The following APBB1IP variants were observed in gnomAD, a reference collection of about 807,000 sequenced individuals.
The protein encoded by APBB1IP is amyloid beta precursor protein binding family B member 1 interacting protein.
A neutral mutation model predicts 64.9 loss-of-function variants in APBB1IP; 27 were observed. The ratio of observed to expected loss-of-function variants is 0.42; its 90% CI spans 0.31 to 0.57. The LOEUF (loss-of-function observed/expected upper bound fraction) is 0.57. Among genes scored for constraint, APBB1IP ranks in the 20% least tolerant of loss-of-function variants. APBB1IP has a pLI of 0.20. For synonymous variants in APBB1IP, 392 were observed against 331.0 expected (o/e 1.18, Z -2.00); for missense variants, 812 against 845.5 (o/e 0.96, Z 0.49).
intron 2 of APBB1IP, among the ~76,000 whole-genome samples, chr10:26,445,111 AAAAGAAAGAAAGAAAGAAAAG>A (rs1453983387): frequency 2.0e-4 from 22 of 108,878 alleles, no homozygotes; most frequent in Non-Finnish European, 3.4e-4. Flanking sequence ...AAAAAAGAGG[AAAAGAAAGAAAGAAAGAAAAG>A]AAAGAAAGAA....
At chr10:26,461,679 A>G (rs542152704) in intron 2 of APBB1IP, among the ~76,000 whole-genome samples, 1 of 152,200 alleles carries the variant, frequency 6.6e-6, no homozygotes, top group Non-Finnish European at 1.5e-5. Flanking sequence ...CCATTTTAAT[A>G]TGGTAAAGAT....
intron 3 of APBB1IP, among the ~76,000 whole-genome samples, chr10:26,493,958 T>G (rs765627803): frequency 6.6e-5 from 10 of 152,026 alleles, no homozygotes; most frequent in Non-Finnish European, 1.3e-4. Context: ...GGCCTCAGCC[T>G]CCCAAGTAGC....
In APBB1IP at chr10:26,500,853, T is replaced by C. The variant is rs923802086; in HGVS notation, c.195T>C (p.Asp65=). ...SLNALEDQDL[D]ALMADLVADI... is the part of the protein sequence containing the mutation. ...ATGCACTGGAAGACCAAGATTTAGA[T>C]GCTCTCATGGCAGATCTGGTAGCAG... Residue 65 remains aspartate (D), a synonymous_variant, in exon 5 of 15, where the codon GAT becomes GAC. Transcript: ENST00000376236. 2.5e-6 allele frequency: 4 copies of C among 1,614,134 alleles called. No individual in the cohort carries two copies. Among genetic ancestry groups the C allele is most frequent in the African/African-American group, 2.7e-5 (2 of 75,064 alleles).
chr10:26,464,262 G>A (rs1249679253), intron 2 of APBB1IP, among the ~76,000 whole-genome samples: 1 of 152,134 alleles, frequency 6.6e-6, no homozygotes, highest in Non-Finnish European at 1.5e-5. Flanking sequence ...TTAGGAGACA[G>A]TATATAGTCA....
At chr10:26,454,183 G>C (rs1188563070) in intron 2 of APBB1IP, among the ~76,000 whole-genome samples, 1 of 152,206 alleles carries the variant, frequency 6.6e-6, no homozygotes, top group African/African-American at 2.4e-5. Context: ...GCTCACGCCT[G>C]TAATACCAGC....
intron 2 of APBB1IP, among the ~76,000 whole-genome samples, chr10:26,441,304 C>T (rs533798216): frequency 2.0e-5 from 3 of 152,178 alleles, no homozygotes; most frequent in African/African-American, 7.2e-5. Flanking sequence ...TTTTAATTAT[C>T]GTGAGAAACA....
At chr10:26,528,180 G>T (rs1836502749) in intron 8 of APBB1IP, among the ~76,000 whole-genome samples, 1 of 152,154 alleles carries the variant, frequency 6.6e-6, no homozygotes, top group Non-Finnish European at 1.5e-5. Flanking sequence ...CCCAACGTAA[G>T]TGAAGCAAGG....
At chr10:26,533,130 C>A (rs543781801) in intron 8 of APBB1IP, among the ~76,000 whole-genome samples, 37 of 152,302 alleles carry the variant, frequency 2.4e-4, no homozygotes, top group Non-Finnish European at 4.4e-5. Context: ...TTCCAGCTTC[C>A]AGCATTTAAC....
At chr10:26,534,272 G>T (rs937393416) in intron 9 of APBB1IP, among the ~76,000 whole-genome samples, 3 of 95,948 alleles carry the variant, frequency 3.1e-5, no homozygotes, top group African/African-American at 1.3e-4. Flanking sequence ...GCCAGCCTGG[G>T]CAACAAAGCA....
intron 8 of APBB1IP, among the ~76,000 whole-genome samples, chr10:26,520,522 T>A (rs146343510): frequency 6.6e-6 from 1 of 152,312 alleles, no homozygotes; most frequent in African/African-American, 2.4e-5. Context: ...ACAAATTATT[T>A]GTCTTGGGGG....
intron 14 of APBB1IP, among the ~76,000 whole-genome samples, chr10:26,563,340 A>C (rs1482195661): frequency 6.6e-6 from 1 of 152,152 alleles, no homozygotes; most frequent in Non-Finnish European, 1.5e-5. Context: ...GTGACAGATA[A>C]AGACCCTGTC....
rs1218039459 is a variant in APBB1IP, at chr10:26,561,064, C to CTTTCT, written c.1369+223_1369+224insCTTTT. On this transcript the variant is annotated intron_variant, in intron 13 of 14. Coordinates refer to ENST00000376236, the MANE Select transcript of APBB1IP (RefSeq NM_019043.4). The stretch of plus-strand genomic sequence containing the variant: ...CTTTTCTTTTTTTCTTTCTTTCTTT[C>CTTTCT]TTTTTTTTTTTTTTTTTTTTTTTTG... 4.6e-3 allele frequency among the ~76,000 whole-genome samples: 321 copies of CTTTCT among 69,256 alleles called. 6 individuals carry two copies. The highest frequency in any genetic ancestry group is 7.5e-3 in the East Asian group (16 of 2,136). 45.4% of individuals were successfully genotyped at this position (69,256 alleles called of 152,430 possible).
intron 2 of APBB1IP, among the ~76,000 whole-genome samples, chr10:26,485,220 T>TA (rs1835877873): frequency 1.3e-5 from 2 of 152,228 alleles, no homozygotes; most frequent in South Asian, 4.1e-4. Flanking sequence ...CCTGTACCTA[T>TA]AGCAGCAGCT....
intron 2 of APBB1IP, among the ~76,000 whole-genome samples, chr10:26,491,294 GAAAGA>G (rs573903572): frequency 9.2e-4 from 140 of 151,880 alleles, no homozygotes; most frequent in African/African-American, 3.2e-3. Flanking sequence ...GAAAAAAAAA[GAAAGA>G]AAAGAAAAGA....
At chr10:26,497,085 C>T (rs1836034733) in intron 4 of APBB1IP, among the ~76,000 whole-genome samples, 1 of 151,972 alleles carries the variant, frequency 6.6e-6, no homozygotes, top group South Asian at 2.1e-4. Context: ...GTCTCAGCTA[C>T]TTGGGAGGCT....
At chr10:26,529,715 A>G (rs776534976) in intron 8 of APBB1IP, among the ~76,000 whole-genome samples, 4 of 152,026 alleles carry the variant, frequency 2.6e-5, no homozygotes, top group African/African-American at 9.7e-5. Flanking sequence ...ATCTCAGCTC[A>G]CTGTAACCTC....
Position 26,503,269 on chromosome 10 carries a change from A to C in APBB1IP, c.526A>C (p.Lys176Gln). The change falls in exon 6 of 15, where the codon AAG becomes CAG. Residue 176 changes from lysine to glutamine, a missense_variant. Physicochemically the swap from Lys to Gln is moderately conservative, Grantham distance 53 (BLOSUM62 1). This residue lies in a region of APBB1IP where 394 missense variants were observed against 413.1 expected (regional missense o/e 0.95). Transcript: ENST00000376236. Reference sequence around the variant, plus strand: ...GGAAAAACTGAAGGAGGCCAAGGTTAAGAAGGTGAATCATGAATCCCTTTT... The same window carrying C: ...GGAAAAACTGAAGGAGGCCAAGGTTCAGAAGGTGAATCATGAATCCCTTTT... ...ALEKLKEAKV[K>Q]KLVVKVHMND... is the part of the protein sequence containing the mutation. 6.2e-7 allele frequency: 1 copy of C among 1,614,112 alleles called. No homozygotes were observed. Among genetic ancestry groups the C allele is most frequent in the South Asian group, 1.1e-5 (1 of 91,086 alleles).
intron 2 of APBB1IP, among the ~76,000 whole-genome samples, chr10:26,489,199 G>C (rs1835927083): frequency 6.6e-6 from 1 of 152,156 alleles, no homozygotes; most frequent in African/African-American, 2.4e-5. Context: ...AATGATGGTG[G>C]AATATGCTCA....
chr10:26,521,462 G>A lies in APBB1IP; in HGVS notation c.813+7802G>A, dbSNP rs190628963. On this transcript the variant is annotated intron_variant, in intron 8 of 14. Transcript: ENST00000376236. ...TTGGAGCGTTGCTGGGATCATGATG[G>A]CAAGCATCTTGGTCCCAGCCCTCCC... Among the ~76,000 whole-genome samples, 45 of 152,282 alleles carry A rather than the reference G, an allele frequency of 3.0e-4. 1 individual carries two copies. In the East Asian group the frequency reaches 5.6e-3, roughly 19 times the overall value.
Sources: gnomAD v4.1 joint callset for allele counts (sites outside exome capture counted in the v4.1 genomes callset) on GRCh38, gnomAD v4.1.1 for gene constraint, gnomAD v4.1.1 regional missense constraint, MANE v1.5 for transcripts, NCBI Gene and HGNC (gene_info 2026-07-23, HGNC 2026-07-21) for gene names.